Variants in ARMH3 observed in about 807,000 individuals in gnomAD.
The protein encoded by ARMH3 is armadillo-like helical domain-containing protein 3.
A neutral mutation model predicts 99.1 loss-of-function variants in ARMH3; 60 were observed. The ratio of observed to expected loss-of-function variants is 0.61; its 90% CI spans 0.49 to 0.75. The LOEUF (loss-of-function observed/expected upper bound fraction) is 0.75, where lower values mean the gene tolerates loss of function less well. ARMH3 is among the 30% of genes least tolerant of loss of function. The pLI, the probability that ARMH3 is intolerant of heterozygous loss-of-function variation, is 0.00. For synonymous variants in ARMH3, 285 were observed against 292.8 expected, an observed-to-expected ratio of 0.97 and a Z score of 0.27; for missense variants, 679 against 843.1, an observed-to-expected ratio of 0.81 and a Z score of 2.41.
intron 20 of ARMH3, among the ~76,000 whole-genome samples, chr10:101,965,913 A>G (rs1329655165): frequency 6.6e-6 from 1 of 152,120 alleles, no homozygotes; most frequent in Non-Finnish European, 1.5e-5. Context: ...TGTGCATCAT[A>G]TCTGCTGAAA....
intron 19 of ARMH3, among the ~76,000 whole-genome samples, chr10:101,980,324 A>G (rs1372495962): frequency 2.6e-5 from 4 of 152,188 alleles, no homozygotes; most frequent in Admixed American, 2.6e-4. Flanking sequence ...TTTGAGATAG[A>G]GTCTCACTCT....
At chr10:101,949,353 A>G (rs1370720894) in intron 22 of ARMH3, among the ~76,000 whole-genome samples, 1 of 147,874 alleles carries the variant, frequency 6.8e-6, no homozygotes, top group Non-Finnish European at 1.5e-5. Context: ...ACTGATGAAG[A>G]AAAAAAAAAA....
At chr10:101,956,515 G>C in intron 22 of ARMH3, 82 bp downstream of exon 22, 1 of 1,522,668 alleles carries the variant, frequency 6.6e-7, no homozygotes, top group Non-Finnish European at 9.0e-7. Context: ...AACTAGAGGA[G>C]AATCTTTCGT....
At chr10:101,852,866 C>G (rs1326428332) in intron 24 of ARMH3, among the ~76,000 whole-genome samples, 1 of 151,756 alleles carries the variant, frequency 6.6e-6, no homozygotes, top group Non-Finnish European at 1.5e-5. Context: ...TTGCCACCTC[C>G]CCCTTCCGTG....
At chr10:102,001,927 C>A in intron 15 of ARMH3, 44 bp downstream of exon 15, 2 of 1,550,464 alleles carry the variant, frequency 1.3e-6, no homozygotes, top group East Asian at 2.2e-5. Flanking sequence ...TAGCTGCCTG[C>A]CACACCTTTG....
intron 24 of ARMH3, 125 bp from the exon 25 acceptor site, chr10:101,850,017 ACTTAT>A: frequency 4.2e-6 from 3 of 718,898 alleles, no homozygotes; most frequent in Non-Finnish European, 6.8e-6. Context: ...CTTGCTTATT[ACTTAT>A]CTTCCAGAAA....
At chr10:102,034,055 A>G (rs2067194547) in intron 2 of ARMH3, among the ~76,000 whole-genome samples, 1 of 152,156 alleles carries the variant, frequency 6.6e-6, no homozygotes, top group African/African-American at 2.4e-5. Flanking sequence ...CCATTTTAGG[A>G]AAGAGAGTAC....
chr10:101,911,072 C>T (rs189150312), intron 23 of ARMH3, among the ~76,000 whole-genome samples: 8 of 151,014 alleles, frequency 5.3e-5, no homozygotes, highest in African/African-American at 1.9e-4. Flanking sequence ...CCAGAGGAGG[C>T]GGAGGTTGCA....
chr10:101,955,144 G>A (rs532911132), intron 22 of ARMH3, among the ~76,000 whole-genome samples: 195 of 152,248 alleles, frequency 1.3e-3, no homozygotes, highest in Non-Finnish European at 2.0e-3. Context: ...TCTAGCCAAC[G>A]TGAAGTCTAT....
intron 15 of ARMH3, among the ~76,000 whole-genome samples, chr10:102,001,331 T>C (rs1281705937): frequency 6.6e-6 from 1 of 151,570 alleles, no homozygotes; most frequent in Non-Finnish European, 1.5e-5. Flanking sequence ...ATTTGCTGTG[T>C]CTCCTTCCAA....
intron 8 of ARMH3, among the ~76,000 whole-genome samples, chr10:102,017,747 A>G (rs1170701531): frequency 6.6e-6 from 1 of 152,214 alleles, no homozygotes; most frequent in Non-Finnish European, 1.5e-5. Flanking sequence ...CATATTTATT[A>G]GGAGCTCTAC....
chr10:102,014,041 G>A lies in ARMH3; in HGVS notation c.670-17C>T. 1.3e-6 allele frequency: 2 copies of A among 1,597,694 alleles called. No homozygotes were observed. Among genetic ancestry groups the A allele is most frequent in the Admixed American group, 1.8e-5 (1 of 56,926 alleles). On this transcript the variant is annotated splice_polypyrimidine_tract_variant and intron_variant, in intron 8 of 25. Coordinates refer to ENST00000370033, the MANE Select transcript of ARMH3 (RefSeq NM_024541.3). ...ATTCACAGACTGTTAAATAAGAGAA[G>A]AGACTCCAGGTAAGTCTGACCTAGT... is the stretch of plus-strand genomic sequence containing the variant.
At chr10:101,908,949 C>T (rs1215314800) in intron 23 of ARMH3, among the ~76,000 whole-genome samples, 1 of 151,930 alleles carries the variant, frequency 6.6e-6, no homozygotes, top group African/African-American at 2.4e-5. Context: ...AGGTGTAAGC[C>T]ACCACCCCTG....
intron 1 of ARMH3, among the ~76,000 whole-genome samples, chr10:102,042,579 ACT>A (rs1366314645): frequency 1.3e-5 from 2 of 152,052 alleles, no homozygotes; most frequent in African/African-American, 4.8e-5. Context: ...TCAACTCACT[ACT>A]CTCTGTCATC....
chr10:101,961,948 T>G (rs1456722326), intron 20 of ARMH3, among the ~76,000 whole-genome samples: 3 of 152,252 alleles, frequency 2.0e-5, no homozygotes, highest in African/African-American at 7.2e-5. Flanking sequence ...CCATTTAATT[T>G]AATCCTTTGC....
chr10:102,029,922 T>C (rs1240053504), intron 4 of ARMH3, among the ~76,000 whole-genome samples, 177 bp from the exon 5 acceptor site: 1 of 151,742 alleles, frequency 6.6e-6, no homozygotes, highest in East Asian at 1.9e-4. Context: ...GTTTTTTTGT[T>C]TGTTTGTTTT....
chr10:101,852,024 C>T (rs1430224076), intron 24 of ARMH3, among the ~76,000 whole-genome samples: 1 of 61,984 alleles, frequency 1.6e-5, no homozygotes, highest in African/African-American at 7.0e-5. Context: ...CAGAAAAAGG[C>T]AAAATTCCTC....
chr10:101,857,362 G>T (rs1282564984), intron 24 of ARMH3, among the ~76,000 whole-genome samples: 1 of 152,196 alleles, frequency 6.6e-6, no homozygotes, highest in Non-Finnish European at 1.5e-5. Context: ...GGAAGCTGAG[G>T]CAGGGGAATC....
At chr10:101,923,136 C>T (rs745348670) in intron 23 of ARMH3, among the ~76,000 whole-genome samples, 30 of 152,046 alleles carry the variant, frequency 2.0e-4, no homozygotes, top group Non-Finnish European at 2.9e-4. Flanking sequence ...AATGTATAAT[C>T]GAGGTAAAAT....
Sources: gnomAD v4.1 joint callset for allele counts (sites outside exome capture counted in the v4.1 genomes callset) on GRCh38, gnomAD v4.1.1 for gene constraint, MANE v1.5 for transcripts, NCBI Gene and HGNC (gene_info 2026-07-23, HGNC 2026-07-21) for gene names.